ZDHHC11B: variants seen among roughly 807,000 people sequenced by gnomAD.
The protein encoded by ZDHHC11B is zDHHC palmitoyltransferase 11B (putative), also known as probable palmitoyltransferase ZDHHC11B.
ZDHHC11B carries 17 observed loss-of-function variants against 42.3 expected under a neutral mutation model. The ratio of observed to expected loss-of-function variants is 0.40; its 90% CI spans 0.27 to 0.60. The LOEUF (loss-of-function observed/expected upper bound fraction) is 0.60. ZDHHC11B is among the 20% of genes least tolerant of loss of function. The probability of loss-of-function intolerance (pLI) is 0.41; values close to 1 mark genes in which losing one functional copy is unlikely to be tolerated. For synonymous variants in ZDHHC11B, 123 were observed against 193.5 expected, an observed-to-expected ratio of 0.64 and a Z score of 3.02; for missense variants, 262 against 463.2, an observed-to-expected ratio of 0.57 and a Z score of 3.99.
In ZDHHC11B at chr5:711,550, GCT is replaced by G. The variant is rs1741374416; in HGVS notation, c.*738_*739del. ...CTGTGCTCCCATTTCCCAAAACTGTGCTCTCATTTCCTAGCACTGTGCTCCCA... is the reference window on the plus strand; with the variant it reads ...CTGTGCTCCCATTTCCCAAAACTGTGCTCATTTCCTAGCACTGTGCTCCCA... On this transcript the variant is annotated 3_prime_UTR_variant, in exon 14 of 14. Transcript: ENST00000508859. 6.6e-6 allele frequency: 1 copy of G among 151,286 alleles called. No individual in the cohort carries two copies. The highest frequency in any genetic ancestry group is 1.5e-5 in the Non-Finnish European group (1 of 68,724). The allele number at this position is 151,286 out of a possible 1,614,324, so 9.4% of individuals were successfully genotyped here.
intron 10 of ZDHHC11B, among the ~76,000 whole-genome samples, chr5:740,055 C>G (rs1307172803): frequency 6.7e-6 from 1 of 150,316 alleles, no homozygotes. Flanking sequence ...TAGTATCTCA[C>G]TTATAAGTGG....
rs777439227 is a variant in ZDHHC11B, at chr5:733,755, T to G, written c.1020A>C (p.Ala340=). The G allele has an allele frequency of 1.7e-5, 28 of 1,610,558 alleles. No individual in the cohort carries two copies. The highest frequency in any genetic ancestry group is 2.0e-5 in the Non-Finnish European group (24 of 1,178,772). The change falls in exon 11 of 14, where the codon GCA becomes GCC. Residue 340 remains alanine (A), a synonymous_variant. Transcript: ENST00000508859. ...TSVNQDGDSK[A]QEADDAPSTS... ...ATTGCTGGTGACTGCAACTTACCTG[T>G]GCCTTCGAATCCCCGTCCTGGTTTA...
chr5:757,571 G>C (rs1291599720), intron 4 of ZDHHC11B, among the ~76,000 whole-genome samples: 1 of 151,916 alleles, frequency 6.6e-6, no homozygotes, highest in East Asian at 1.9e-4. Context: ...CCCGTAAGAA[G>C]CGTGCTGCAA....
At chr5:758,968 T>C (rs1734214962) in intron 4 of ZDHHC11B, among the ~76,000 whole-genome samples, 2 of 151,890 alleles carry the variant, frequency 1.3e-5, no homozygotes, top group African/African-American at 2.4e-5. Context: ...TAACCCTTCC[T>C]GAGCTGGCGG....
At chr5:775,413 A>G (rs1488932621) in intron 1 of ZDHHC11B, among the ~76,000 whole-genome samples, 1 of 151,952 alleles carries the variant, frequency 6.6e-6, no homozygotes, top group Non-Finnish European at 1.5e-5. Flanking sequence ...CTGAGGGAGA[A>G]CCTGTCTCTG....
chr5:729,095 G>A (rs149094954), intron 12 of ZDHHC11B, among the ~76,000 whole-genome samples: 8,795 of 142,734 alleles, frequency 0.062, 106 homozygotes, highest in East Asian at 0.19. Flanking sequence ...CATCTGTGAG[G>A]GGGAGACCGG....
intron 1 of ZDHHC11B, among the ~76,000 whole-genome samples, chr5:783,235 C>G (rs1375546310): frequency 6.6e-6 from 1 of 152,236 alleles, no homozygotes; most frequent in Admixed American, 6.5e-5. Context: ...GCCCGCCCCT[C>G]CCCCACAGGC....
In ZDHHC11B at chr5:766,880, C is replaced by T. The variant is rs1236038436; in HGVS notation, c.40G>A (p.Glu14Lys). Residue 14 changes from glutamate to lysine, a missense_variant, in exon 4 of 14, where the codon GAA (glutamate) becomes AAA (lysine). By Grantham distance (56) the Glu-to-Lys change is moderately conservative (BLOSUM62 1). This residue lies in a region of ZDHHC11B where 97 missense variants were observed against 98.1 expected (regional missense o/e 0.99). Coordinates refer to ENST00000508859, the MANE Select transcript of ZDHHC11B (RefSeq NM_001351303.2). ...AGCTCTTCATTGTTGCGTATGGCTTCTGGGGTGACGGAACACTGGCTCCCG... is the reference window on the plus strand; with the variant it reads ...AGCTCTTCATTGTTGCGTATGGCTTTTGGGGTGACGGAACACTGGCTCCCG... ...RSGSQCSVTP[E>K]AIRNNEELVL... The T allele has an allele frequency of 6.2e-7, 1 of 1,612,660 alleles. No homozygotes were observed. The highest frequency in any genetic ancestry group is 2.2e-5 in the East Asian group (1 of 44,856).
chr5:756,818 A>G (rs1733919265), intron 4 of ZDHHC11B, among the ~76,000 whole-genome samples: 1 of 151,598 alleles, frequency 6.6e-6, no homozygotes, highest in Admixed American at 6.6e-5. Context: ...CAGACGGCTC[A>G]CTGACGGACC....
intron 8 of ZDHHC11B, among the ~76,000 whole-genome samples, chr5:747,041 C>T (rs1262215076): frequency 1.1e-4 from 12 of 108,404 alleles, no homozygotes; most frequent in African/African-American, 3.7e-4. Flanking sequence ...GAAAAGCCTT[C>T]ATAGGTGGTA....
chr5:771,990 GT>G (rs1177550947), intron 1 of ZDHHC11B, among the ~76,000 whole-genome samples: 1 of 147,206 alleles, frequency 6.8e-6, no homozygotes, highest in African/African-American at 2.5e-5. Context: ...TTTGCATGAG[GT>G]TTTGATAAGC....
At chr5:731,135 A>T (rs1189624685) in intron 11 of ZDHHC11B, among the ~76,000 whole-genome samples, 7 of 151,320 alleles carry the variant, frequency 4.6e-5, no homozygotes, top group African/African-American at 1.7e-4. Flanking sequence ...TCAGCATCTG[A>T]AGCTTTGCCA....
intron 12 of ZDHHC11B, among the ~76,000 whole-genome samples, chr5:724,698 G>C (rs1697971): frequency 0.5 from 72,380 of 145,910 alleles, 14,370 homozygotes; most frequent in African/African-American, 0.55. Context: ...CAGACACACA[G>C]ATGCATACTA....
intron 1 of ZDHHC11B, among the ~76,000 whole-genome samples, chr5:774,660 G>C (rs1579456536): frequency 7.0e-6 from 1 of 142,580 alleles, no homozygotes; most frequent in East Asian, 2.1e-4. Flanking sequence ...CTAGGGGTCT[G>C]CCCCTTGGGC....
chr5:719,941 C>A (rs1257103038), intron 12 of ZDHHC11B, among the ~76,000 whole-genome samples: 1 of 151,742 alleles, frequency 6.6e-6, no homozygotes. Flanking sequence ...CATGAATGAT[C>A]CCTTTGTCCA....
rs1389775410 is a variant in ZDHHC11B at position 712,073 on chromosome 5, A to G, written c.*217T>C. On this transcript the variant is annotated 3_prime_UTR_variant, in exon 14 of 14. Coordinates refer to ENST00000508859, the MANE Select transcript of ZDHHC11B (RefSeq NM_001351303.2). ...CAAGGCTGGCTCTTCTTTGGGTGTG[A>G]TGAAGATGATGACAGAGATGGATGC... The G allele has an allele frequency of 2.5e-5, 3 of 117,712 alleles. No homozygotes were observed. Among genetic ancestry groups the G allele is most frequent in the African/African-American group, 6.7e-5 (2 of 29,784 alleles). The allele number at this position is 117,712 out of a possible 1,614,324, so 7.3% of individuals were successfully genotyped here. A position where few individuals can be genotyped will look rare whatever the true frequency, so the allele number is the denominator to read the frequency against.
chr5:745,885 AG>A (rs1364014598), intron 8 of ZDHHC11B, among the ~76,000 whole-genome samples: 1 of 149,596 alleles, frequency 6.7e-6, no homozygotes, highest in Admixed American at 6.8e-5. Flanking sequence ...TGAGAGCCCC[AG>A]GCCCAGGAGG....
intron 9 of ZDHHC11B, among the ~76,000 whole-genome samples, chr5:742,987 T>G (rs1227764029): frequency 6.7e-6 from 1 of 149,898 alleles, no homozygotes; most frequent in African/African-American, 2.4e-5. Flanking sequence ...AGGTGTCAGA[T>G]GGATTTGGGG....
At chr5:784,026 G>T (rs1194770763) in intron 1 of ZDHHC11B, among the ~76,000 whole-genome samples, 1 of 151,500 alleles carries the variant, frequency 6.6e-6, no homozygotes, top group Non-Finnish European at 1.5e-5. Context: ...GGTGCGGGAA[G>T]GTGTCCCGGC....
Sources: allele counts gnomAD v4.1 joint callset (sites outside exome capture counted in the v4.1 genomes callset), GRCh38; gene constraint gnomAD v4.1.1; regional missense constraint gnomAD v4.1.1; transcripts MANE v1.5; gene names NCBI Gene and HGNC (gene_info 2026-07-23, HGNC 2026-07-21).